The following LRP11 variants were observed in gnomAD, a reference collection of about 807,000 sequenced individuals.
LRP11 encodes low-density lipoprotein receptor-related protein 11.
LRP11 carries 25 observed loss-of-function variants against 43.1 expected under a neutral mutation model. The observed-to-expected ratio is 0.58, with a 90% CI of 0.42 to 0.81. The LOEUF (loss-of-function observed/expected upper bound fraction) is 0.81. Among genes scored for constraint, LRP11 ranks in the 30% least tolerant of loss-of-function variants. LRP11 has a pLI of 0.00. For missense variants in LRP11, 623 were observed against 665.1 expected (o/e 0.94, Z 0.70); for synonymous variants, 316 against 299.4 (o/e 1.06, Z -0.57).
At chr6:149,852,868 A>C (rs1776741980) in intron 2 of LRP11, 135 bp downstream of exon 2, 1 of 656,454 alleles carries the variant, frequency 1.5e-6, no homozygotes, top group Middle Eastern at 4.5e-4. Context: ...ATTTTGGCAT[A>C]ATCAGTTTTA....
intron 3 of LRP11, among the ~76,000 whole-genome samples, chr6:149,841,841 G>A (rs2115390662): frequency 6.6e-6 from 1 of 152,174 alleles, no homozygotes; most frequent in South Asian, 2.1e-4. Context: ...GAACCCAGGA[G>A]GCAGAGGCTG....
chr6:149,851,404 A>AC (rs1776716958), intron 2 of LRP11, among the ~76,000 whole-genome samples: 1 of 152,234 alleles, frequency 6.6e-6, no homozygotes, highest in Non-Finnish European at 1.5e-5. Context: ...ACAAGGCAGG[A>AC]TAGTGGCGGG....
intron 5 of LRP11, among the ~76,000 whole-genome samples, chr6:149,832,492 TAA>T (rs1313565988): frequency 5.3e-5 from 8 of 152,104 alleles, no homozygotes; most frequent in African/African-American, 1.9e-4. Flanking sequence ...CCAGCCGAGC[TAA>T]GTCTTATTTG....
rs1331182477 is a variant in LRP11 at position 149,864,100 on chromosome 6, T to TGGGCCCC, written c.-87_-81dup. Reference sequence around the variant, plus strand: ...CGGGGACGCGGGCGAGCGCGGGCCCTGGGCCCCTCCTGCGCGGCCGCGGCT... The same window carrying TGGGCCCC: ...CGGGGACGCGGGCGAGCGCGGGCCCTGGGCCCCGGGCCCCTCCTGCGCGGCCGCGGCT... On this transcript the variant is annotated 5_prime_UTR_variant, in exon 1 of 7. Coordinates refer to ENST00000239367, the MANE Select transcript of LRP11 (RefSeq NM_032832.6). The TGGGCCCC allele has an allele frequency of 5.8e-6, 7 of 1,213,296 alleles. No individual in the cohort carries two copies. Among genetic ancestry groups the TGGGCCCC allele is most frequent in the Non-Finnish European group, 7.2e-6 (7 of 977,446 alleles). 75.2% of individuals were successfully genotyped at this position (1,213,296 alleles called of 1,614,324 possible). A position where few individuals can be genotyped will look rare whatever the true frequency, so the allele number is the denominator to read the frequency against.
chr6:149,834,966 G>T (rs1035624225), intron 5 of LRP11, among the ~76,000 whole-genome samples: 1 of 152,156 alleles, frequency 6.6e-6, no homozygotes, highest in Admixed American at 6.5e-5. Context: ...CTTGTACAAT[G>T]AACAAAAATT....
At chr6:149,836,599 C>G (rs928458415) in intron 4 of LRP11, among the ~76,000 whole-genome samples, 1 of 152,088 alleles carries the variant, frequency 6.6e-6, no homozygotes, top group African/African-American at 2.4e-5. Context: ...ATCACTTGAG[C>G]CCACGAGTTC....
chr6:149,826,557 G>A (rs1422855726), intron 5 of LRP11, among the ~76,000 whole-genome samples, 198 bp from the exon 6 acceptor site: 3 of 151,738 alleles, frequency 2.0e-5, no homozygotes, highest in Admixed American at 2.0e-4. Flanking sequence ...AAAGTACGCA[G>A]CTAATACGAA....
chr6:149,844,554 A>C (rs1776603145), intron 2 of LRP11, among the ~76,000 whole-genome samples: 1 of 152,194 alleles, frequency 6.6e-6, no homozygotes, highest in Admixed American at 6.5e-5. Context: ...CAGCCTGAAG[A>C]CTGTTTTTCC....
At chr6:149,834,819 T>G (rs141539123) in intron 5 of LRP11, among the ~76,000 whole-genome samples, 1 of 152,352 alleles carries the variant, frequency 6.6e-6, no homozygotes, top group African/African-American at 2.4e-5. Flanking sequence ...GCAGACATAT[T>G]TTTATGGAGG....
intron 6 of LRP11, among the ~76,000 whole-genome samples, chr6:149,824,515 C>G (rs1776314089): frequency 6.6e-6 from 1 of 152,160 alleles, no homozygotes; most frequent in Non-Finnish European, 1.5e-5. Flanking sequence ...CAGTAACCAG[C>G]TAGGGTGATG....
rs549830534 is a variant in LRP11, at chr6:149,824,854, G to C, written c.1348+1410C>G. On this transcript the variant is annotated intron_variant, in intron 6 of 6. Transcript: ENST00000239367. Reference sequence around the variant, plus strand: ...CAACCTGGACAACAGAGTGAGACTCGATGTCTCAAAAACAAAACAAAACAA... The same window carrying C: ...CAACCTGGACAACAGAGTGAGACTCCATGTCTCAAAAACAAAACAAAACAA... 5.9e-5 allele frequency among the ~76,000 whole-genome samples: 9 copies of C among 152,206 alleles called. No homozygotes were observed. In the East Asian group the frequency reaches 1.7e-3, roughly 29 times the overall value.
At position 149,819,409 on chromosome 6, in the gene LRP11, AAG is replaced by A. The variant is rs1208241165; in HGVS notation, c.*1138_*1139del. 1 of 152,282 alleles carries A rather than the reference AAG, an allele frequency of 6.6e-6. No homozygotes were observed. Among genetic ancestry groups the A allele is most frequent in the Admixed American group, 6.6e-5 (1 of 15,258 alleles). The allele number at this position is 152,282 out of a possible 1,614,324, so 9.4% of individuals were successfully genotyped here. On this transcript the variant is annotated 3_prime_UTR_variant, in exon 7 of 7. Coordinates refer to ENST00000239367, the MANE Select transcript of LRP11 (RefSeq NM_032832.6). ...CTAGAATGTGTATAATCCCGGCGTT[AAG>A]TGATGGTGGGAATGATTTGCCTTTA...
chr6:149,863,437 A>T lies in LRP11; in HGVS notation c.584T>A (p.Leu195Gln). The change falls in exon 1 of 7, where the codon CTG becomes CAG. Residue 195 changes from leucine (L) to glutamine (Q), a missense_variant. Coordinates refer to ENST00000239367, the MANE Select transcript of LRP11 (RefSeq NM_032832.6). ...SLSRAPDGAA[L>Q]ATARASPRQE... Reference sequence around the variant, plus strand: ...CCGGGGCGAGGCGCGCGCGGTGGCCAGGGCGGCGCCGTCCGGCGCGCGGCT... The same window carrying T: ...CCGGGGCGAGGCGCGCGCGGTGGCCTGGGCGGCGCCGTCCGGCGCGCGGCT... 1 of 1,313,558 alleles carries T rather than the reference A, an allele frequency of 7.6e-7. No homozygotes were observed. Among genetic ancestry groups the T allele is most frequent in the East Asian group, 3.1e-5 (1 of 32,426 alleles). 81.4% of individuals were successfully genotyped at this position (1,313,558 alleles called of 1,614,324 possible).
chr6:149,822,523 T>G (rs1220831634), intron 6 of LRP11, among the ~76,000 whole-genome samples: 2 of 149,458 alleles, frequency 1.3e-5, no homozygotes, highest in Non-Finnish European at 3.0e-5. Context: ...AAAAAAAGAC[T>G]GAAGTGACTT....
At chr6:149,849,619 T>G (rs1483153717) in intron 2 of LRP11, among the ~76,000 whole-genome samples, 1 of 152,052 alleles carries the variant, frequency 6.6e-6, no homozygotes, top group Non-Finnish European at 1.5e-5. Context: ...AAATTAGCCA[T>G]GACTATAGTC....
At chr6:149,847,613 A>G (rs377145982) in intron 2 of LRP11, among the ~76,000 whole-genome samples, 2 of 152,158 alleles carry the variant, frequency 1.3e-5, no homozygotes, top group African/African-American at 4.8e-5. Flanking sequence ...AACATATCCA[A>G]TTTGTAACTT....
At chr6:149,834,596 C>T (rs1464855013) in intron 5 of LRP11, among the ~76,000 whole-genome samples, 1 of 152,190 alleles carries the variant, frequency 6.6e-6, no homozygotes, top group African/African-American at 2.4e-5. Flanking sequence ...CCTGGTCTGC[C>T]CAACTCTGTT....
At chr6:149,828,513 G>A (rs1270235749) in intron 5 of LRP11, among the ~76,000 whole-genome samples, 1 of 147,970 alleles carries the variant, frequency 6.8e-6, no homozygotes. Context: ...TTTTGAGACA[G>A]GGTCTCCCTT....
rs1054358780 is a variant in LRP11 at position 149,818,853 on chromosome 6, T to C, written c.*1696A>G. The stretch of plus-strand genomic sequence containing the variant: ...ATGTTTACATAGATACAGAACATCT[T>C]GGATATTTCAACACCATAGCAACAC... On this transcript the variant is annotated 3_prime_UTR_variant, in exon 7 of 7. Transcript: ENST00000239367. 3.3e-5 allele frequency: 5 copies of C among 152,604 alleles called. No individual in the cohort carries two copies. Among genetic ancestry groups the C allele is most frequent in the Non-Finnish European group, 5.9e-5 (4 of 68,038 alleles). 9.5% of individuals were successfully genotyped at this position (152,604 alleles called of 1,614,324 possible).
Sources: allele counts gnomAD v4.1 joint callset (sites outside exome capture counted in the v4.1 genomes callset), GRCh38; gene constraint gnomAD v4.1.1; transcripts MANE v1.5; gene names NCBI Gene and HGNC (gene_info 2026-07-23, HGNC 2026-07-21).